Variants in DCC observed in about 807,000 individuals in gnomAD.
The protein encoded by DCC is netrin receptor DCC.
In DCC, 58 loss-of-function variants were observed where a neutral mutation model predicts 172.5. That is an observed-to-expected ratio of 0.34 (90% confidence interval 0.27 to 0.42). The LOEUF (loss-of-function observed/expected upper bound fraction) is 0.42. Ranked by LOEUF, DCC falls within the 10% of genes least tolerant of loss-of-function variation. DCC has a pLI of 1.00. For synonymous variants in DCC, 709 were observed against 644.5 expected (o/e 1.10, Z -1.52); for missense variants, 1,740 against 1,791.0 (o/e 0.97, Z 0.51).
chr18:52,511,171 C>A (rs1364239645), intron 1 of DCC, among the ~76,000 whole-genome samples: 1 of 150,976 alleles, frequency 6.6e-6, no homozygotes, highest in Non-Finnish European at 1.5e-5. Flanking sequence ...GTCCCAACTA[C>A]TTGGAAGGCT....
intron 13 of DCC, among the ~76,000 whole-genome samples, chr18:53,307,164 C>T (rs891220194): frequency 6.6e-6 from 1 of 152,156 alleles, no homozygotes; most frequent in African/African-American, 2.4e-5. Context: ...GGCCAGAGCA[C>T]TTCCAAAGTA....
chr18:53,250,563 C>G (rs145621728), intron 12 of DCC, among the ~76,000 whole-genome samples: 1 of 151,780 alleles, frequency 6.6e-6, no homozygotes, highest in Non-Finnish European at 1.5e-5. Flanking sequence ...TAGTCTCCTC[C>G]CCTTTCTTCC....
At chr18:53,001,580 A>G (rs146095309) in intron 5 of DCC, among the ~76,000 whole-genome samples, 13 of 152,210 alleles carry the variant, frequency 8.5e-5, no homozygotes, top group African/African-American at 3.1e-4. Context: ...AAGTTTCAGT[A>G]TTATCTATAA....
rs1271449930 is a variant in DCC at position 52,773,844 on chromosome 18, T to TA, written c.412+21470_412+21471insA. The stretch of plus-strand genomic sequence containing the variant: ...GTGCCCAGCCCATATATATATATAT[T>TA]TTTTAAAGGTGGGAGTATATATACA... On this transcript the variant is annotated intron_variant, in intron 2 of 28. Coordinates refer to ENST00000442544, the MANE Select transcript of DCC (RefSeq NM_005215.4). 4.5e-3 allele frequency among the ~76,000 whole-genome samples: 676 copies of TA among 151,224 alleles called. 2 individuals carry two copies. The highest frequency in any genetic ancestry group is 6.4e-3 in the Non-Finnish European group (437 of 67,828).
rs527979281 is a variant in DCC at position 53,275,935 on chromosome 18, G to A, written c.1912-29643G>A. On this transcript the variant is annotated intron_variant, in intron 12 of 28. Transcript: ENST00000442544. ...TTTTTTAACAAACAGTTATTTTCAG[G>A]CCATTAGTAAAATATAATTTTCAAA... Among the ~76,000 whole-genome samples the A allele has an allele frequency of 1.7e-4, 26 of 151,898 alleles. No individual in the cohort carries two copies. The South Asian group carries it at 5.4e-3, about 32-fold the overall frequency.
intron 1 of DCC, among the ~76,000 whole-genome samples, chr18:52,731,138 T>C (rs2036634308): frequency 1.3e-5 from 2 of 152,232 alleles, no homozygotes; most frequent in African/African-American, 4.8e-5. Context: ...GGCAGCGTTT[T>C]TCACCTTCCT....
chr18:52,715,548 G>A (rs1332682063), intron 1 of DCC, among the ~76,000 whole-genome samples: 4 of 152,034 alleles, frequency 2.6e-5, no homozygotes, highest in South Asian at 4.2e-4. Context: ...CAAGTCATCT[G>A]CCTGCCTCAG....
At chr18:52,773,060 A>T (rs2037369572) in intron 2 of DCC, among the ~76,000 whole-genome samples, 1 of 152,178 alleles carries the variant, frequency 6.6e-6, no homozygotes, top group South Asian at 2.1e-4. Context: ...TATGACTTTT[A>T]TGAGAGAACC....
chr18:52,379,974 A>G (rs1598876650), intron 1 of DCC, among the ~76,000 whole-genome samples: 1 of 152,278 alleles, frequency 6.6e-6, no homozygotes, highest in Non-Finnish European at 1.5e-5. Context: ...GTTCAAGAGC[A>G]AGGTACTGGT....
intron 1 of DCC, among the ~76,000 whole-genome samples, chr18:52,382,862 C>T (rs1353258352): frequency 6.6e-6 from 1 of 152,004 alleles, no homozygotes; most frequent in Non-Finnish European, 1.5e-5. Flanking sequence ...CCAGAGGTGC[C>T]TATCAGTCAC....
At chr18:52,909,797 T>A (rs946306917) in intron 3 of DCC, among the ~76,000 whole-genome samples, 1 of 152,172 alleles carries the variant, frequency 6.6e-6, no homozygotes, top group African/African-American at 2.4e-5. Context: ...TACCATGCCC[T>A]ACAAAAGCTT....
chr18:52,822,732 G>C (rs1192779939), intron 2 of DCC, among the ~76,000 whole-genome samples: 1 of 152,124 alleles, frequency 6.6e-6, no homozygotes, highest in Non-Finnish European at 1.5e-5. Flanking sequence ...TAGTATTAAG[G>C]TTGTGAAATT....
chr18:52,568,752 C>T (rs746767972), intron 1 of DCC, among the ~76,000 whole-genome samples: 12 of 152,158 alleles, frequency 7.9e-5, no homozygotes, highest in Middle Eastern at 3.4e-3. Flanking sequence ...AGGTGAGCTG[C>T]GAGAATTCAG....
At chr18:53,485,759 CTA>C in intron 25 of DCC, among the ~76,000 whole-genome samples, 1 of 152,014 alleles carries the variant, frequency 6.6e-6, no homozygotes, top group African/African-American at 2.4e-5. Flanking sequence ...TAAAAGAAAT[CTA>C]TATGTTGCTT....
intron 15 of DCC, among the ~76,000 whole-genome samples, chr18:53,348,793 G>C (rs967520678): frequency 1.3e-5 from 2 of 152,102 alleles, no homozygotes; most frequent in Non-Finnish European, 2.9e-5. Flanking sequence ...GTCATGGCAG[G>C]AGTGGCTGGA....
At chr18:52,891,092 AAAT>A (rs906181597) in intron 2 of DCC, among the ~76,000 whole-genome samples, 6 of 152,100 alleles carry the variant, frequency 3.9e-5, no homozygotes, top group African/African-American at 1.2e-4. Context: ...TAAGCAAAGG[AAAT>A]AATAATTTCA....
chr18:53,505,550 A>G (rs1430895005), intron 27 of DCC, among the ~76,000 whole-genome samples: 1 of 152,196 alleles, frequency 6.6e-6, no homozygotes, highest in Admixed American at 6.5e-5. Flanking sequence ...TTGCCCAATT[A>G]CAAGAAAATA....
chr18:53,157,213 G>A (rs947901541), intron 7 of DCC, 143 bp from the exon 8 acceptor site: 2 of 945,124 alleles, frequency 2.1e-6, no homozygotes, highest in Non-Finnish European at 3.4e-6. Flanking sequence ...TTTACTGTGT[G>A]CATTCCCTTG....
intron 2 of DCC, among the ~76,000 whole-genome samples, chr18:52,821,768 G>T (rs151102257): frequency 1.3e-5 from 2 of 152,160 alleles, no homozygotes. Flanking sequence ...TCACTAAAAC[G>T]TAAGAGCAAG....
Sources: allele counts gnomAD v4.1 joint callset (sites outside exome capture counted in the v4.1 genomes callset), GRCh38; gene constraint gnomAD v4.1.1; transcripts MANE v1.5; gene names NCBI Gene and HGNC (gene_info 2026-07-23, HGNC 2026-07-21).